The following LRP2 variants were observed in gnomAD, a reference collection of about 807,000 sequenced individuals.
LRP2 encodes the protein LDL receptor related protein 2.
Under a neutral mutation model 531.0 loss-of-function variants are expected in LRP2, and 172 were observed. The ratio of observed to expected loss-of-function variants is 0.32; its 90% confidence interval spans 0.29 to 0.37. The LOEUF (loss-of-function observed/expected upper bound fraction) is 0.37. Among genes scored for constraint, LRP2 ranks in the 10% least tolerant of loss-of-function variants. LRP2 has a pLI of 1.00. For missense variants in LRP2, 5,167 were observed against 5,868.3 expected (o/e 0.88, Z 3.90); for synonymous variants, 1,992 against 2,027.6 (o/e 0.98, Z 0.47).
Position 169,154,433 on chromosome 2 carries a change from A to G in LRP2, c.12295+27T>C, listed in dbSNP as rs144451278. ...AATTCTATAAAGTCACTTAATATCA[A>G]TGAAAGATGCCAAAGTTTATACTCA... On this transcript the variant is annotated intron_variant, in intron 66 of 78. Coordinates refer to ENST00000649046, the MANE Select transcript of LRP2 (RefSeq NM_004525.3). The G allele has an allele frequency of 2.0e-3, 3,216 of 1,603,168 alleles. 4 individuals carry two copies. Among genetic ancestry groups the G allele is most frequent in the Non-Finnish European group, 2.4e-3 (2,852 of 1,170,326 alleles).
Position 169,226,527 on chromosome 2 carries a change from A to C in LRP2, c.5289T>G (p.Pro1763=), listed in dbSNP as rs568311340. The change falls in exon 32 of 79, where the codon CCT becomes CCG. Residue 1763 remains proline, a synonymous_variant. Transcript: ENST00000649046. ...CCATAGCATCATTGCTCTTCACCTCAGGATTAAGGGAGATTCCAAAAATTA... is the reference window on the plus strand; with the variant it reads ...CCATAGCATCATTGCTCTTCACCTCCGGATTAAGGGAGATTCCAAAAATTA... ...QHIIFGISLN[P]EVKSNDAMVP... 4.8e-5 allele frequency: 78 copies of C among 1,613,174 alleles called. No homozygotes were observed. The South Asian group carries it at 8.1e-4, about 17-fold the overall frequency.
intron 52 of LRP2, among the ~76,000 whole-genome samples, chr2:169,181,114 G>A (rs1339511743): frequency 6.6e-6 from 1 of 151,960 alleles, no homozygotes; most frequent in Non-Finnish European, 1.5e-5. Context: ...ATAGGGGAGA[G>A]CAAATTAAAG....
chr2:169,146,729 A>G lies in LRP2; in HGVS notation c.12811+10T>C. 6 of 1,590,232 alleles carry G rather than the reference A, an allele frequency of 3.8e-6. No homozygotes were observed. Among genetic ancestry groups the G allele is most frequent in the Non-Finnish European group, 5.2e-6 (6 of 1,158,342 alleles). On this transcript the variant is annotated intron_variant, in intron 69 of 78. Transcript: ENST00000649046. ...TAATTTAATATATTACTTTCTAACT[A>G]ATTTCTAACCTTCCTTTGCAATGAC...
chr2:169,262,179 T>C (rs371655324), intron 16 of LRP2, among the ~76,000 whole-genome samples: 16 of 148,276 alleles, frequency 1.1e-4, no homozygotes, highest in African/African-American at 3.0e-4. Flanking sequence ...CTTTGAAAAC[T>C]GGCACAAGAC....
intron 27 of LRP2, among the ~76,000 whole-genome samples, chr2:169,237,890 G>T (rs1689662544): frequency 6.6e-6 from 1 of 152,158 alleles, no homozygotes; most frequent in South Asian, 2.1e-4. Context: ...TCACACATCT[G>T]CATTCAGAGG....
intron 14 of LRP2, among the ~76,000 whole-genome samples, chr2:169,274,792 T>C (rs1417818163): frequency 6.6e-6 from 1 of 152,182 alleles, no homozygotes; most frequent in African/African-American, 2.4e-5. Context: ...AATAAACATC[T>C]GTTAAATAAA....
At position 169,320,827 on chromosome 2, in the gene LRP2, C is replaced by T; in HGVS notation, c.137G>A (p.Arg46Lys). ...TGAACAGTCTTTGGTCCCATCACACCTCCAGTCTGCAGGGATGCAATGCCC... is the reference window on the plus strand; with the variant it reads ...TGAACAGTCTTTGGTCCCATCACACTTCCAGTCTGCAGGGATGCAATGCCC... ...GSGHCIPADW[R>K]CDGTKDCSDD... is the part of the protein sequence containing the mutation. The change falls in exon 2 of 79, where the codon AGG becomes AAG. Residue 46 changes from arginine to lysine, a missense_variant. Physicochemically the swap from Arg to Lys is conservative, Grantham distance 26. This residue lies in a region of LRP2 where 2,811 missense variants were observed against 3,058.0 expected (regional missense o/e 0.92). Transcript: ENST00000649046. 1 of 1,614,168 alleles carries T rather than the reference C, an allele frequency of 6.2e-7. No individual in the cohort carries two copies. Among genetic ancestry groups the T allele is most frequent in the Non-Finnish European group, 8.5e-7 (1 of 1,180,004 alleles).
In LRP2 at chr2:169,307,319, A is replaced by G. The variant is rs568281214; in HGVS notation, c.389T>C (p.Val130Ala). 1 of 1,614,000 alleles carries G rather than the reference A, an allele frequency of 6.2e-7. No individual in the cohort carries two copies. The highest frequency in any genetic ancestry group is 1.3e-5 in the African/African-American group (1 of 75,050). Residue 130 changes from valine (V) to alanine (A), a missense_variant, in exon 4 of 79, where the codon GTC (valine) becomes GCC (alanine). Coordinates refer to ENST00000649046, the MANE Select transcript of LRP2 (RefSeq NM_004525.3). ...ATCAGCTCCATCGGGGCAGTCTCTG[A>G]CGTGGTCGCACCTGTATTCACTTGG... Reference protein sequence around the residue: ...CIPSEYRCDHVRDCPDGADEN... With the variant: ...CIPSEYRCDHARDCPDGADEN...
intron 39 of LRP2, 49 bp from the exon 40 acceptor site, chr2:169,206,237 G>T: frequency 6.2e-7 from 1 of 1,612,850 alleles, no homozygotes; most frequent in Non-Finnish European, 8.5e-7. Flanking sequence ...AAAGACATTA[G>T]AGTCTCATAT....
chr2:169,204,912 T>A (rs540209218), intron 41 of LRP2, among the ~76,000 whole-genome samples: 8 of 152,246 alleles, frequency 5.3e-5, no homozygotes, highest in Non-Finnish European at 1.0e-4. Context: ...TTGGAGAAGT[T>A]ACATACAAAA....
chr2:169,152,659 A>T, intron 67 of LRP2, 140 bp downstream of exon 67: 1 of 891,558 alleles, frequency 1.1e-6, no homozygotes, highest in Non-Finnish European at 1.8e-6. Flanking sequence ...GGCTTCAGCA[A>T]GCCCAACCAC....
chr2:169,200,445 C>T (rs1688166943), intron 44 of LRP2, among the ~76,000 whole-genome samples: 1 of 151,914 alleles, frequency 6.6e-6, no homozygotes, highest in Admixed American at 6.6e-5. Context: ...ATAAGACAAG[C>T]TTGAGCTATA....
intron 46 of LRP2, among the ~76,000 whole-genome samples, chr2:169,194,689 T>TATGA (rs1259290984): frequency 6.6e-6 from 1 of 150,848 alleles, no homozygotes; most frequent in Admixed American, 6.6e-5. Flanking sequence ...CAGAAGCTGC[T>TATGA]ATGAAAAGTG....
intron 1 of LRP2, among the ~76,000 whole-genome samples, chr2:169,340,906 C>T (rs977144298): frequency 3.3e-5 from 5 of 152,124 alleles, no homozygotes; most frequent in Non-Finnish European, 7.4e-5. Flanking sequence ...TGAGTGCATG[C>T]TTATGCCTGA....
At position 169,294,187 on chromosome 2, in the gene LRP2, C is replaced by A. The variant is rs1684076842; in HGVS notation, c.613G>T (p.Asp205Tyr). 6.2e-7 allele frequency: 1 copy of A among 1,613,820 alleles called. No individual in the cohort carries two copies. Among genetic ancestry groups the A allele is most frequent in the African/African-American group, 1.3e-5 (1 of 74,906 alleles). ...CIPRAYVCDH[D>Y]NDCQDGSDEH... Reference sequence around the variant, plus strand: ...TCACTGCCGTCTTGGCAATCATTGTCATGGTCACAGACATAAGCACGAGGG... The same window carrying A: ...TCACTGCCGTCTTGGCAATCATTGTAATGGTCACAGACATAAGCACGAGGG... Residue 205 changes from aspartate to tyrosine, a missense_variant, in exon 6 of 79, where the codon GAC becomes TAC. By Grantham distance (160) the Asp-to-Tyr change is radical. Transcript: ENST00000649046.
At chr2:169,230,259 C>A (rs551123922) in intron 31 of LRP2, among the ~76,000 whole-genome samples, 22 of 152,202 alleles carry the variant, frequency 1.4e-4, no homozygotes, top group Admixed American at 4.6e-4. Flanking sequence ...CTGAAAGACT[C>A]TAGGAACACA....
rs115024445 is a variant in LRP2 at position 169,307,435 on chromosome 2, T to C, written c.311-38A>G. 1.7e-4 allele frequency: 196 copies of C among 1,154,470 alleles called. 1 individual carries two copies. The African/African-American group carries it at 2.6e-3, about 15-fold the overall frequency. The allele number at this position is 1,154,470 out of a possible 1,614,324, so 71.5% of individuals were successfully genotyped here. ...AAAATTATTACTTAATTTATAATTA[T>C]TGCTAGACACAGACTAATCTATTGT... is the stretch of plus-strand genomic sequence containing the variant. On this transcript the variant is annotated intron_variant, in intron 3 of 78. Transcript: ENST00000649046.
At chr2:169,275,264 A>G (rs745862306) in intron 13 of LRP2, 26 bp from the exon 14 acceptor site, 1 of 1,568,434 alleles carries the variant, frequency 6.4e-7, no homozygotes, top group Non-Finnish European at 8.8e-7. Context: ...CATATATATC[A>G]TACAATTTGT....
intron 55 of LRP2, among the ~76,000 whole-genome samples, chr2:169,174,809 C>CGTT (rs1687127509): frequency 7.8e-6 from 1 of 128,544 alleles, no homozygotes. Flanking sequence ...TGTGCTCAGT[C>CGTT]TTTTTTTTTT....
Sources: allele counts gnomAD v4.1 joint callset (sites outside exome capture counted in the v4.1 genomes callset), GRCh38; gene constraint gnomAD v4.1.1; regional missense constraint gnomAD v4.1.1; transcripts MANE v1.5; gene names NCBI Gene and HGNC (gene_info 2026-07-23, HGNC 2026-07-21).